Variants in LRFN5 observed in about 807,000 individuals in gnomAD.
The protein encoded by LRFN5 is leucine rich repeat and fibronectin type III domain containing 5, also known as leucine-rich repeat and fibronectin type-III domain-containing protein 5.
LRFN5 carries 24 observed loss-of-function variants against 45.6 expected under a neutral mutation model. The observed-to-expected ratio is 0.53, with a 90% confidence interval of 0.38 to 0.74. The LOEUF (loss-of-function observed/expected upper bound fraction) is 0.74. Among genes scored for constraint, LRFN5 ranks in the 30% least tolerant of loss-of-function variants. The probability of loss-of-function intolerance (pLI) is 0.00; values close to 1 mark genes in which losing one functional copy is unlikely to be tolerated. For synonymous variants in LRFN5, 340 were observed against 313.8 expected, an observed-to-expected ratio of 1.08 and a Z score of -0.88; for missense variants, 776 against 861.5, an observed-to-expected ratio of 0.90 and a Z score of 1.24.
At chr14:41,888,887 T>C (rs1397909174) in intron 3 of LRFN5, among the ~76,000 whole-genome samples, 1 of 151,900 alleles carries the variant, frequency 6.6e-6, no homozygotes, top group Admixed American at 6.6e-5. Flanking sequence ...CCCTTTCATA[T>C]AATTTCACTT....
At chr14:41,609,050 A>G (rs1887622333) in intron 1 of LRFN5, among the ~76,000 whole-genome samples, 1 of 152,140 alleles carries the variant, frequency 6.6e-6, no homozygotes, top group African/African-American at 2.4e-5. Flanking sequence ...AGATCTTTTT[A>G]GTAGTTGTAA....
chr14:41,769,420 G>T (rs1292466590), intron 2 of LRFN5, among the ~76,000 whole-genome samples: 1 of 152,110 alleles, frequency 6.6e-6, no homozygotes. Flanking sequence ...AAATTAAACA[G>T]TGCTTAATGT....
intron 2 of LRFN5, among the ~76,000 whole-genome samples, chr14:41,827,952 C>G (rs1411282195): frequency 6.6e-6 from 1 of 152,002 alleles, no homozygotes; most frequent in Non-Finnish European, 1.5e-5. Context: ...TCAAAAGTTT[C>G]AACTATTACC....
chr14:41,888,738 A>G (rs1274942172), intron 3 of LRFN5, among the ~76,000 whole-genome samples: 3 of 152,164 alleles, frequency 2.0e-5, no homozygotes, highest in Non-Finnish European at 2.9e-5. Flanking sequence ...CACTGGAATT[A>G]GGTATGTAAT....
chr14:41,721,773 G>A (rs1369184139), intron 1 of LRFN5, among the ~76,000 whole-genome samples: 3 of 152,070 alleles, frequency 2.0e-5, no homozygotes, highest in Non-Finnish European at 4.4e-5. Context: ...ATGTAATCTA[G>A]TCTTTTTCTC....
At chr14:41,852,598 C>CT (rs1478741864) in intron 2 of LRFN5, among the ~76,000 whole-genome samples, 3 of 151,760 alleles carry the variant, frequency 2.0e-5, no homozygotes, top group East Asian at 1.9e-4. Flanking sequence ...TTTGACATAG[C>CT]TTTTTTCCTG....
intron 1 of LRFN5, among the ~76,000 whole-genome samples, chr14:41,744,341 G>A (rs972698102): frequency 2.0e-5 from 3 of 152,034 alleles, no homozygotes; most frequent in Non-Finnish European, 4.4e-5. Context: ...CCGGGTGACC[G>A]AATGAGGCCC....
chr14:41,781,574 AAGAAAGAAAG>A (rs1294658675), intron 2 of LRFN5, among the ~76,000 whole-genome samples: 2 of 89,002 alleles, frequency 2.2e-5, no homozygotes, highest in African/African-American at 1.3e-4. Flanking sequence ...GAAAGAAAGA[AAGAAAGAAAG>A]AAAGAAAGAA....
At chr14:41,838,392 AAG>A (rs1888738934) in intron 2 of LRFN5, among the ~76,000 whole-genome samples, 1 of 152,152 alleles carries the variant, frequency 6.6e-6, no homozygotes, top group Admixed American at 6.5e-5. Context: ...GCAATCCTGG[AAG>A]AGAGGTTCTA....
At chr14:41,893,138 A>G (rs1890837731) in intron 4 of LRFN5, 7 of 984,210 alleles carry the variant, frequency 7.1e-6, no homozygotes, top group African/African-American at 1.7e-5. Context: ...TGCATTTGCT[A>G]TTTTAACCAA....
chr14:41,817,256 A>G (rs73319449), intron 2 of LRFN5, among the ~76,000 whole-genome samples: 1,698 of 152,160 alleles, frequency 0.011, 30 homozygotes, highest in African/African-American at 0.039. Flanking sequence ...ATTCCAACAT[A>G]CCTGACAATT....
chr14:41,710,981 G>GTGCCATATTTTTAAA (rs140461675), intron 1 of LRFN5, among the ~76,000 whole-genome samples: 34,613 of 151,870 alleles, frequency 0.23, 4,112 homozygotes, highest in Non-Finnish European at 0.28. Flanking sequence ...TGGTGTATAT[G>GTGCCATATTTTTAAA]TGCTGATGCA....
intron 1 of LRFN5, among the ~76,000 whole-genome samples, chr14:41,627,276 C>T (rs1379081801): frequency 6.6e-6 from 1 of 152,096 alleles, no homozygotes; most frequent in Non-Finnish European, 1.5e-5. Flanking sequence ...CTAAAAGGAA[C>T]TCCGTATCTG....
chr14:41,822,310 A>C (rs1888143501), intron 2 of LRFN5, among the ~76,000 whole-genome samples: 1 of 151,922 alleles, frequency 6.6e-6, no homozygotes, highest in Admixed American at 6.6e-5. Context: ...ATAAACTCTT[A>C]GCACTGTTTT....
At chr14:41,892,952 T>A in intron 4 of LRFN5, 1 of 985,312 alleles carries the variant, frequency 1.0e-6, no homozygotes, top group Non-Finnish European at 1.2e-6. Context: ...CATACAAGAC[T>A]GCCTTTATCA....
In LRFN5 at chr14:41,734,337, TATATATA is replaced by T. The variant is rs1566642910; in HGVS notation, c.-196-32516_-196-32510del. On this transcript the variant is annotated intron_variant, in intron 1 of 5. Transcript: ENST00000298119. ...GGTTTTATATATATATATATATATA[TATATATA>T]TTTAAATTTGCTGTAACTTATTGAT... Among the ~76,000 whole-genome samples the T allele has an allele frequency of 2.6e-4, 28 of 109,070 alleles. 3 individuals carry two copies. The East Asian group carries it at 4.2e-3, about 17-fold the overall frequency. The allele number at this position is 109,070 out of a possible 152,430, so 71.6% of individuals were successfully genotyped here.
At position 41,838,355 on chromosome 14, in the gene LRFN5, A is replaced by G. The variant is rs138391463; in HGVS notation, c.-20-48251A>G. Among the ~76,000 whole-genome samples the G allele has an allele frequency of 7.9e-4, 121 of 152,290 alleles. No homozygotes were observed. In the Middle Eastern group the frequency reaches 0.014, roughly 17 times the overall value. On this transcript the variant is annotated intron_variant, in intron 2 of 5. Transcript: ENST00000298119. ...TACCCAAGGGAGATGCTAATGAAGT[A>G]GGACTCCGTGGACTTGGATAAGAGC...
At chr14:41,615,204 G>A (rs1887890603) in intron 1 of LRFN5, among the ~76,000 whole-genome samples, 1 of 151,980 alleles carries the variant, frequency 6.6e-6, no homozygotes, top group South Asian at 2.1e-4. Context: ...AGTAACTTTA[G>A]TGATTCCCAA....
chr14:41,808,447 G>GGAGA, intron 2 of LRFN5, among the ~76,000 whole-genome samples: 1 of 132,016 alleles, frequency 7.6e-6, no homozygotes, highest in African/African-American at 2.9e-5. Flanking sequence ...AGGGAGGGAG[G>GGAGA]GAGGACCTAT....
Sources: allele counts gnomAD v4.1 joint callset (sites outside exome capture counted in the v4.1 genomes callset), GRCh38; gene constraint gnomAD v4.1.1; transcripts MANE v1.5; gene names NCBI Gene and HGNC (gene_info 2026-07-23, HGNC 2026-07-21).